The following CPLANE1 variants were observed in gnomAD, a reference collection of about 807,000 sequenced individuals.
The protein encoded by CPLANE1 is ciliogenesis and planar polarity effector complex subunit 1.
In CPLANE1, 263 loss-of-function variants were observed where a neutral mutation model predicts 362.5. That is an observed-to-expected ratio of 0.73 (90% CI 0.66 to 0.80). CPLANE1 has a LOEUF of 0.80. CPLANE1 is among the 30% of genes least tolerant of loss of function. The pLI is 0.00. For synonymous variants in CPLANE1, 1,212 were observed against 1,302.6 expected, an observed-to-expected ratio of 0.93 and a Z score of 1.50; for missense variants, 3,461 against 3,793.4, an observed-to-expected ratio of 0.91 and a Z score of 2.30.
At chr5:37,171,547 A>C (rs1580390314) in intron 32 of CPLANE1, among the ~76,000 whole-genome samples, 1 of 152,238 alleles carries the variant, frequency 6.6e-6, no homozygotes, top group African/African-American at 2.4e-5. Flanking sequence ...TTTGAAGGCC[A>C]ACAGAAGAAT....
At chr5:37,218,172 C>T (rs1794559356) in intron 15 of CPLANE1, among the ~76,000 whole-genome samples, 2 of 152,158 alleles carry the variant, frequency 1.3e-5, no homozygotes, top group African/African-American at 4.8e-5. Context: ...ATTTCCACCA[C>T]CCTAACTGAT....
the CPLANE1 span, among the ~76,000 whole-genome samples, chr5:37,081,795 C>T: frequency 6.6e-6 from 1 of 152,098 alleles, no homozygotes; most frequent in Non-Finnish European, 1.5e-5. Context: ...CTACACACAT[C>T]ATAGTCAAAC....
chr5:37,141,263 G>A (rs1195155629), intron 44 of CPLANE1: 2 of 985,134 alleles, frequency 2.0e-6, no homozygotes, highest in Non-Finnish European at 2.4e-6. Flanking sequence ...AGGATAAAAT[G>A]GAGTGTAAAC....
chr5:37,165,464 T>C (rs2150866463), intron 36 of CPLANE1, 75 bp downstream of exon 36: 1 of 1,428,974 alleles, frequency 7.0e-7, no homozygotes, highest in Non-Finnish European at 9.7e-7. Flanking sequence ...GCAATCAGAC[T>C]AGATAAACCA....
intron 51 of CPLANE1, among the ~76,000 whole-genome samples, chr5:37,110,401 A>C (rs964422537): frequency 5.3e-5 from 8 of 152,056 alleles, no homozygotes; most frequent in Non-Finnish European, 2.9e-5. Context: ...TCTTTACCTA[A>C]CAATCTCCTT....
At position 37,224,702 on chromosome 5, in the gene CPLANE1, A is replaced by G. The variant is rs1226186288; in HGVS notation, c.2330T>C (p.Leu777Ser). 6 of 1,551,476 alleles carry G rather than the reference A, an allele frequency of 3.9e-6. No individual in the cohort carries two copies. In the South Asian group the frequency reaches 4.8e-5, roughly 12 times the overall value. The change falls in exon 13 of 53, where the codon TTA becomes TCA. Residue 777 changes from leucine to serine, a missense_variant. By Grantham distance (145) the Leu-to-Ser change is moderately radical. Transcript: ENST00000651892. ...TCGATTTAATTGTGCTTGATACCAT[A>G]AAGTTTTTTTGTACAGTATTCTCCA... ...ILWRILYKKT[L>S]WYQAQLNRRV...
In CPLANE1 at chr5:37,221,337, A is replaced by G. The variant is rs1009283584; in HGVS notation, c.2733T>C (p.Asn911=). The part of the protein sequence containing the change: ...LRWSQLPVKE[N]KDFSGAAKSH... The stretch of plus-strand genomic sequence containing the variant: ...AAAAAAGCATACCTGAAAAATCTTT[A>G]TTTTCTTTTACAGGTAGTTGGGACC... Residue 911 remains asparagine (N), a synonymous_variant, in exon 15 of 53, where the codon AAT becomes AAC. Coordinates refer to ENST00000651892, the MANE Select transcript of CPLANE1 (RefSeq NM_001384732.1). The G allele has an allele frequency of 6.7e-6, 10 of 1,490,758 alleles. No individual in the cohort carries two copies. In the African/African-American group the frequency reaches 1.4e-4, roughly 22 times the overall value. 92.3% of individuals were successfully genotyped at this position (1,490,758 alleles called of 1,614,324 possible).
At chr5:37,193,167 T>TA (rs1010441137) in intron 21 of CPLANE1, among the ~76,000 whole-genome samples, 16 of 142,034 alleles carry the variant, frequency 1.1e-4, no homozygotes, top group South Asian at 2.5e-4. Flanking sequence ...AGACTCCAAC[T>TA]AAAAAAAAAA....
chr5:37,152,320 G>T (rs2150587940), intron 42 of CPLANE1, among the ~76,000 whole-genome samples: 1 of 152,092 alleles, frequency 6.6e-6, no homozygotes, highest in South Asian at 2.1e-4. Context: ...AGGACTACAG[G>T]TGCACACCAC....
In CPLANE1 at chr5:37,187,546, A is replaced by G; in HGVS notation, c.3948T>C (p.Cys1316=). ...CTGCACTAAGACAGTGCTCAATCAT[A>G]CAAGAATCAAACTCCACTTCAAGGT... ...EKDLEVEFDS[C]MIEHCLSAVE... Residue 1316 remains cysteine (C), a synonymous_variant, in exon 23 of 53, where the codon TGT becomes TGC. Transcript: ENST00000651892. The G allele has an allele frequency of 1.2e-6, 2 of 1,607,726 alleles. No homozygotes were observed. The highest frequency in any genetic ancestry group is 1.7e-6 in the Non-Finnish European group (2 of 1,178,446).
In CPLANE1 at chr5:37,158,269, T is replaced by C. The variant is rs767346517; in HGVS notation, c.7767A>G (p.Ser2589=). 2 of 1,613,836 alleles carry C rather than the reference T, an allele frequency of 1.2e-6. No individual in the cohort carries two copies. Among genetic ancestry groups the C allele is most frequent in the Non-Finnish European group, 8.5e-7 (1 of 1,179,914 alleles). The change falls in exon 39 of 53, where the codon TCA becomes TCG. Residue 2589 remains serine (S), a synonymous_variant. Coordinates refer to ENST00000651892, the MANE Select transcript of CPLANE1 (RefSeq NM_001384732.1). ...GTATTGAGGGTGACCAAGGTTTCTC[T>C]GACATTTCACTGGAAAGCTTCAGAT... ...YLNLKLSSEM[S]EKPWSPSIPH...
rs902102819 is a variant in CPLANE1, at chr5:37,106,759, G to C, written c.*843C>G. Reference sequence around the variant, plus strand: ...ACAGGTAGATATTTGGAAAAAGAGGGGTATTTAATAGCTTTTTCAGATGAT... The same window carrying C: ...ACAGGTAGATATTTGGAAAAAGAGGCGTATTTAATAGCTTTTTCAGATGAT... On this transcript the variant is annotated 3_prime_UTR_variant, in exon 53 of 53. Transcript: ENST00000651892. 2.6e-6 allele frequency: 2 copies of C among 766,198 alleles called. No homozygotes were observed. The highest frequency in any genetic ancestry group is 1.2e-4 in the South Asian group (2 of 16,876). The allele number at this position is 766,198 out of a possible 1,614,324, so 47.5% of individuals were successfully genotyped here. A position where few individuals can be genotyped will look rare whatever the true frequency, so the allele number is the denominator to read the frequency against.
At chr5:37,133,023 A>G (rs1344190264) in intron 46 of CPLANE1, among the ~76,000 whole-genome samples, 1 of 152,106 alleles carries the variant, frequency 6.6e-6, no homozygotes, top group Non-Finnish European at 1.5e-5. Flanking sequence ...CTTTATAGGG[A>G]GTCATTTCCC....
chr5:37,197,602 C>G (rs1050661166), intron 20 of CPLANE1, among the ~76,000 whole-genome samples: 5 of 152,132 alleles, frequency 3.3e-5, no homozygotes, highest in African/African-American at 1.2e-4. Flanking sequence ...GGTTCTGATG[C>G]ACAGAACCTG....
chr5:37,139,445 A>C, intron 44 of CPLANE1, 75 bp from the exon 45 acceptor site: 1 of 1,090,920 alleles, frequency 9.2e-7, no homozygotes, highest in Non-Finnish European at 1.2e-6. Flanking sequence ...TTTAGAAATT[A>C]TATAACCAGA....
chr5:37,221,216 G>A (rs1795284722), intron 15 of CPLANE1, 108 bp downstream of exon 15: 9 of 621,982 alleles, frequency 1.4e-5, no homozygotes, highest in African/African-American at 5.7e-5. Flanking sequence ...CACTTGAGGC[G>A]GCTGAGGTAG....
chr5:37,209,653 A>G lies in CPLANE1; in HGVS notation c.2921-3228T>C. Reference sequence around the variant, plus strand: ...TATTCACTTTCTGTTTTCTTTCTAGAAAGTGGTTTGGCAAAAGAAAAGGTA... The same window carrying G: ...TATTCACTTTCTGTTTTCTTTCTAGGAAGTGGTTTGGCAAAAGAAAAGGTA... On this transcript the variant is annotated intron_variant, in intron 16 of 52. Coordinates refer to ENST00000651892, the MANE Select transcript of CPLANE1 (RefSeq NM_001384732.1). This position sits in a 1 kb window ranked among gnomAD's most constrained non-coding sequence, Gnocchi z 4.6. 1 of 1,411,540 alleles carries G rather than the reference A, an allele frequency of 7.1e-7. No individual in the cohort carries two copies. The highest frequency in any genetic ancestry group is 1.0e-6 in the Non-Finnish European group (1 of 997,688). The allele number at this position is 1,411,540 out of a possible 1,614,324, so 87.4% of individuals were successfully genotyped here.
rs1159990425 is a variant in CPLANE1, at chr5:37,173,871, G to A, written c.6055C>T (p.Gln2019Ter). ...LISNGVNVAS[Q>*]PPAPTPQKTQ... is the part of the protein sequence containing the mutation. ...TTCTGAGGTGTTGGAGCAGGTGGTT[G>A]TGAAGCAACATTGACTCCATTTGAT... The change falls in exon 32 of 53, where the codon CAA (glutamine) becomes TAA (stop). Residue 2019 changes from glutamine to a stop codon, truncating the protein, a stop_gained. Transcript: ENST00000651892. LOFTEE classifies it high-confidence loss of function. 6.2e-7 allele frequency: 1 copy of A among 1,614,126 alleles called. No homozygotes were observed. The highest frequency in any genetic ancestry group is 1.7e-5 in the Admixed American group (1 of 60,024).
chr5:37,239,688 C>T, intron 7 of CPLANE1, 25 bp downstream of exon 7: 1 of 1,320,796 alleles, frequency 7.6e-7, no homozygotes, highest in Non-Finnish European at 9.8e-7. Context: ...TTATAGATTA[C>T]TTTCTAAGAC....
Sources: allele counts gnomAD v4.1 joint callset (sites outside exome capture counted in the v4.1 genomes callset), GRCh38; gene constraint gnomAD v4.1.1; non-coding constraint Gnocchi (gnomAD v3.1); transcripts MANE v1.5; gene names NCBI Gene and HGNC (gene_info 2026-07-23, HGNC 2026-07-21).